The following ERCC8 variants were observed in gnomAD, a reference collection of about 807,000 sequenced individuals.
ERCC8 encodes the protein DNA excision repair protein ERCC-8.
A neutral mutation model predicts 54.9 loss-of-function variants in ERCC8; 52 were observed. That is an observed-to-expected ratio of 0.95 (90% CI 0.76 to 1.19). The LOEUF is 1.19. ERCC8 is among the 50% of genes most tolerant of loss of function. ERCC8 has a pLI of 0.00. For synonymous variants in ERCC8, 146 were observed against 157.2 expected, an observed-to-expected ratio of 0.93 and a Z score of 0.53; for missense variants, 514 against 466.1, an observed-to-expected ratio of 1.10 and a Z score of -0.95.
chr5:60,898,427 A>C (rs1410582174), intron 8 of ERCC8, 27 bp from the exon 9 acceptor site: 1 of 1,612,502 alleles, frequency 6.2e-7, no homozygotes, highest in Admixed American at 1.7e-5. Flanking sequence ...AGTTCAGTTT[A>C]TCTGTTCTTG....
At chr5:60,913,720 C>G (rs528691491) in intron 4 of ERCC8, among the ~76,000 whole-genome samples, 4 of 152,010 alleles carry the variant, frequency 2.6e-5, no homozygotes, top group Admixed American at 6.6e-5. Context: ...GCTTTCTCTT[C>G]TGGGCATTTA....
intron 4 of ERCC8, chr5:60,909,515 TCTC>T (rs1749191612): frequency 1.2e-5 from 2 of 161,622 alleles, no homozygotes; most frequent in South Asian, 1.9e-4. Flanking sequence ...TCCTGCTCCT[TCTC>T]CTCAGCCTAC....
At chr5:60,913,262 A>G (rs1749327572) in intron 4 of ERCC8, among the ~76,000 whole-genome samples, 1 of 152,000 alleles carries the variant, frequency 6.6e-6, no homozygotes, top group Admixed American at 6.6e-5. Flanking sequence ...TATTGCCTCT[A>G]TTTCAGAACC....
chr5:60,924,605 T>C (rs1749695819), intron 2 of ERCC8: 1 of 154,578 alleles, frequency 6.5e-6, no homozygotes, highest in Non-Finnish European at 1.5e-5. Flanking sequence ...AAAAGCTTTC[T>C]TGAATTATTG....
intron 2 of ERCC8, among the ~76,000 whole-genome samples, chr5:60,924,774 G>GT (rs1368069144): frequency 6.6e-6 from 1 of 151,432 alleles, no homozygotes; most frequent in African/African-American, 2.4e-5. Flanking sequence ...CTCCTTTCTA[G>GT]TTTCTATTTC....
intron 4 of ERCC8, among the ~76,000 whole-genome samples, chr5:60,907,980 C>A (rs968330391): frequency 6.6e-6 from 1 of 152,166 alleles, no homozygotes; most frequent in Non-Finnish European, 1.5e-5. Context: ...TTACTCCCAT[C>A]CTCTTTAAAG....
chr5:60,908,405 G>A (rs1749142082), intron 4 of ERCC8, among the ~76,000 whole-genome samples: 1 of 151,420 alleles, frequency 6.6e-6, no homozygotes, highest in African/African-American at 2.4e-5. Context: ...ATCGATTCCT[G>A]GATTATCTTC....
intron 7 of ERCC8, among the ~76,000 whole-genome samples, 196 bp downstream of exon 7, chr5:60,902,246 G>A (rs185971379): frequency 8.0e-4 from 121 of 152,190 alleles, no homozygotes; most frequent in African/African-American, 2.8e-3. Context: ...CACCTTGAAG[G>A]TGGATAGGAT....
intron 11 of ERCC8, among the ~76,000 whole-genome samples, chr5:60,881,319 G>T (rs142510967): frequency 6.6e-6 from 1 of 152,180 alleles, no homozygotes; most frequent in Non-Finnish European, 1.5e-5. Context: ...GGACCCACTT[G>T]AGGAGGCAGT....
intron 11 of ERCC8, among the ~76,000 whole-genome samples, chr5:60,882,772 G>A (rs780254614): frequency 9.9e-5 from 15 of 152,114 alleles, no homozygotes; most frequent in Non-Finnish European, 2.1e-4. Context: ...ACTGAAGTCT[G>A]TTCATTTTGT....
chr5:60,884,334 G>A (rs1412168886), intron 11 of ERCC8, among the ~76,000 whole-genome samples: 1 of 151,720 alleles, frequency 6.6e-6, no homozygotes, highest in Admixed American at 6.6e-5. Context: ...AAATTAGCTG[G>A]GCGTGGTGGT....
chr5:60,893,648 G>C, intron 9 of ERCC8: 2 of 562,362 alleles, frequency 3.6e-6, no homozygotes, highest in South Asian at 4.2e-5. Flanking sequence ...GGGGATCTGA[G>C]AAGAGAGAGT....
chr5:60,889,552 C>T (rs1423593202), intron 10 of ERCC8, among the ~76,000 whole-genome samples: 3 of 152,150 alleles, frequency 2.0e-5, no homozygotes, highest in East Asian at 1.9e-4. Context: ...GTGATGCTTT[C>T]GGCCTCCTAA....
At chr5:60,941,381 T>C (rs1258606404) in intron 1 of ERCC8, among the ~76,000 whole-genome samples, 1 of 151,646 alleles carries the variant, frequency 6.6e-6, no homozygotes, top group East Asian at 1.9e-4. Flanking sequence ...TCTAACAATA[T>C]AGAGGAAAAA....
chr5:60,912,358 A>T (rs1216921647), intron 4 of ERCC8, among the ~76,000 whole-genome samples: 1 of 151,970 alleles, frequency 6.6e-6, no homozygotes, highest in Non-Finnish European at 1.5e-5. Context: ...GTAGCAATTG[A>T]GAATGTAGTT....
At chr5:60,926,243 CT>C (rs1180113314) in intron 2 of ERCC8, among the ~76,000 whole-genome samples, 1 of 152,200 alleles carries the variant, frequency 6.6e-6, no homozygotes, top group African/African-American at 2.4e-5. Flanking sequence ...AGAGGCAGTG[CT>C]ATTTAACTCT....
At chr5:60,907,206 A>C (rs1749102421) in intron 4 of ERCC8, 1 of 152,236 alleles carries the variant, frequency 6.6e-6, no homozygotes, top group Non-Finnish European at 1.5e-5. Flanking sequence ...CAACTCAGTC[A>C]CAACAGGTAA....
chr5:60,920,339 CTT>C, intron 3 of ERCC8, among the ~76,000 whole-genome samples: 2 of 152,030 alleles, frequency 1.3e-5, no homozygotes, highest in Middle Eastern at 3.4e-3. Flanking sequence ...AGTGATACTA[CTT>C]TTAAATGAAA....
chr5:60,933,355 A>C (rs1749970708), intron 1 of ERCC8, among the ~76,000 whole-genome samples: 1 of 150,176 alleles, frequency 6.7e-6, no homozygotes, highest in Non-Finnish European at 1.5e-5. Flanking sequence ...AGTAGCTGGG[A>C]TTATAGGCAT....
Sources: gnomAD v4.1 joint callset for allele counts (sites outside exome capture counted in the v4.1 genomes callset) on GRCh38, gnomAD v4.1.1 for gene constraint, MANE v1.5 for transcripts, NCBI Gene and HGNC (gene_info 2026-07-23, HGNC 2026-07-21) for gene names.